The following SYT9 variants were observed in gnomAD, a reference collection of about 807,000 sequenced individuals.
The protein encoded by SYT9 is synaptotagmin-9.
SYT9 carries 22 observed loss-of-function variants against 48.4 expected under a neutral mutation model. The observed-to-expected ratio is 0.45, with a 90% CI of 0.32 to 0.65. The LOEUF is 0.65. Ranked by LOEUF, SYT9 falls within the 30% of genes least tolerant of loss-of-function variation. SYT9 has a pLI of 0.03. For missense variants in SYT9, 577 were observed against 622.0 expected, an observed-to-expected ratio of 0.93 and a Z score of 0.77; for synonymous variants, 265 against 245.0, an observed-to-expected ratio of 1.08 and a Z score of -0.76.
At chr11:7,285,781 G>T (rs2133910118) in intron 1 of SYT9, among the ~76,000 whole-genome samples, 1 of 152,224 alleles carries the variant, frequency 6.6e-6, no homozygotes, top group East Asian at 1.9e-4. Flanking sequence ...TCAAATGGGA[G>T]AAATTGGCCA....
intron 3 of SYT9, among the ~76,000 whole-genome samples, chr11:7,338,994 CTTAA>C (rs1849672586): frequency 6.6e-6 from 1 of 152,038 alleles, no homozygotes. Context: ...TTGTAGGTCT[CTTAA>C]GAATTTGCTT....
In SYT9 at chr11:7,467,813, C is replaced by T; in HGVS notation, c.*1013C>T. ...GCCCAGAGTCATAGCCTTGGGCAAC[C>T]ACACATAGAGGTTTCCTTCTCACTT... On this transcript the variant is annotated 3_prime_UTR_variant, in exon 7 of 7. Coordinates refer to ENST00000318881, the MANE Select transcript of SYT9 (RefSeq NM_175733.4). 6.5e-6 allele frequency: 1 copy of T among 153,738 alleles called. No homozygotes were observed. The highest frequency in any genetic ancestry group is 1.4e-5 in the Non-Finnish European group (1 of 69,122). The allele number at this position is 153,738 out of a possible 1,614,324, so 9.5% of individuals were successfully genotyped here.
chr11:7,334,557 A>G (rs969055588), intron 3 of SYT9, among the ~76,000 whole-genome samples: 3 of 151,288 alleles, frequency 2.0e-5, no homozygotes, highest in Non-Finnish European at 3.0e-5. Context: ...ACCATTTACC[A>G]TAGTCAATCA....
chr11:7,240,118 G>A (rs1232497644), intron 1 of SYT9, among the ~76,000 whole-genome samples: 1 of 152,138 alleles, frequency 6.6e-6, no homozygotes, highest in African/African-American at 2.4e-5. Context: ...GGGGAAGCCA[G>A]TGAAAGACAA....
chr11:7,401,967 A>G (rs1846902736), intron 3 of SYT9, among the ~76,000 whole-genome samples: 1 of 151,892 alleles, frequency 6.6e-6, no homozygotes, highest in African/African-American at 2.4e-5. Context: ...TTTGAACATA[A>G]GCATTTACCG....
In SYT9 at chr11:7,313,379, T is replaced by C. The variant is rs768358398; in HGVS notation, c.498-16T>C. On this transcript the variant is annotated splice_polypyrimidine_tract_variant and intron_variant, in intron 2 of 6. Coordinates refer to ENST00000318881, the MANE Select transcript of SYT9 (RefSeq NM_175733.4). ...AATAAGGTTATAACTTTGTTCTGTGTTGCTCTTCATTCAAGGCATAATTCA... is the reference window on the plus strand; with the variant it reads ...AATAAGGTTATAACTTTGTTCTGTGCTGCTCTTCATTCAAGGCATAATTCA... 1.9e-6 allele frequency: 3 copies of C among 1,594,590 alleles called. No individual in the cohort carries two copies. Among genetic ancestry groups the C allele is most frequent in the Non-Finnish European group, 2.6e-6 (3 of 1,172,448 alleles).
intron 3 of SYT9, among the ~76,000 whole-genome samples, chr11:7,372,117 T>C (rs1850372435): frequency 6.6e-6 from 1 of 152,196 alleles, no homozygotes. Flanking sequence ...ATTACATTCC[T>C]ACCAGCAGTG....
intron 4 of SYT9, among the ~76,000 whole-genome samples, chr11:7,416,679 G>A (rs546317907): frequency 3.3e-5 from 5 of 152,302 alleles, no homozygotes; most frequent in South Asian, 2.1e-4. Context: ...GAGAATGTGC[G>A]TAGGTTATAT....
intron 3 of SYT9, among the ~76,000 whole-genome samples, chr11:7,332,760 ATT>A (rs770163145): frequency 1.3e-5 from 2 of 152,188 alleles, no homozygotes; most frequent in Non-Finnish European, 2.9e-5. Context: ...CAGTTAAATT[ATT>A]CCATGGCTGA....
At chr11:7,250,084 A>G (rs11820326), upstream of SYT9, among the ~76,000 whole-genome samples, 16,648 of 152,070 alleles carry the variant, frequency 0.11, 1,006 homozygotes, top group Middle Eastern at 0.17. Flanking sequence ...TACCTTTCCA[A>G]TGATGATTGC....
rs536338998 is a variant in SYT9 at position 7,377,251 on chromosome 11, T to C, written c.1045-38791T>C. Among the ~76,000 whole-genome samples the C allele has an allele frequency of 1.2e-4, 18 of 152,000 alleles. No homozygotes were observed. In the South Asian group the frequency reaches 3.7e-3, roughly 32 times the overall value. On this transcript the variant is annotated intron_variant, in intron 3 of 6. Transcript: ENST00000318881. Reference sequence around the variant, plus strand: ...ACAACCCAGAGAATTAGTTAACATATGTATTTCAGACACTGTGCTAAACAC... The same window carrying C: ...ACAACCCAGAGAATTAGTTAACATACGTATTTCAGACACTGTGCTAAACAC...
At chr11:7,333,810 A>G (rs1482558433) in intron 3 of SYT9, among the ~76,000 whole-genome samples, 1 of 152,098 alleles carries the variant, frequency 6.6e-6, no homozygotes, top group Non-Finnish European at 1.5e-5. Flanking sequence ...TTGAATACTC[A>G]CTGTCTGCCA....
intron 6 of SYT9, among the ~76,000 whole-genome samples, chr11:7,425,315 T>G (rs1300921268): frequency 2.0e-5 from 3 of 152,168 alleles, no homozygotes; most frequent in Non-Finnish European, 4.4e-5. Flanking sequence ...AATGACTGTT[T>G]CCCAAAGGAA....
intron 6 of SYT9, among the ~76,000 whole-genome samples, chr11:7,445,670 T>C (rs1267110656): frequency 6.6e-6 from 1 of 152,208 alleles, no homozygotes; most frequent in Non-Finnish European, 1.5e-5. Context: ...TCACTTTTTG[T>C]TTTTTTCTAC....
chr11:7,284,989 C>G (rs1041000127), intron 1 of SYT9, among the ~76,000 whole-genome samples: 3 of 152,140 alleles, frequency 2.0e-5, no homozygotes, highest in Non-Finnish European at 4.4e-5. Context: ...TTCACCCACT[C>G]TATCACCTAA....
chr11:7,383,393 G>A (rs371116298), intron 3 of SYT9, among the ~76,000 whole-genome samples: 4 of 152,182 alleles, frequency 2.6e-5, no homozygotes, highest in South Asian at 2.1e-4. Context: ...CAGAGAGCCC[G>A]GTGGCTCACT....
upstream of SYT9, among the ~76,000 whole-genome samples, chr11:7,249,720 C>A (rs1411449675): frequency 1.3e-5 from 2 of 152,126 alleles, no homozygotes; most frequent in Non-Finnish European, 2.9e-5. Flanking sequence ...TTTATGTAAT[C>A]TTTGTAACAG....
In SYT9 at chr11:7,313,419, C is replaced by T. The variant is rs762941038; in HGVS notation, c.522C>T (p.Leu174=). The T allele has an allele frequency of 8.7e-6, 14 of 1,612,552 alleles. No individual in the cohort carries two copies. The highest frequency in any genetic ancestry group is 1.1e-5 in the Non-Finnish European group (13 of 1,179,504). Residue 174 remains leucine (L), a synonymous_variant, in exon 3 of 7, where the codon CTC becomes CTT. Transcript: ENST00000318881. ...SARHNSIRRQ[L]NLSNPDFNIQ... ...GGCATAATTCAATCCGAAGACAACT[C>T]AACTTGTCAAACCCGGACTTCAATA... is the stretch of plus-strand genomic sequence containing the variant.
intron 6 of SYT9, among the ~76,000 whole-genome samples, chr11:7,432,957 A>G (rs1422823350): frequency 6.6e-6 from 1 of 152,012 alleles, no homozygotes; most frequent in Non-Finnish European, 1.5e-5. Context: ...GTGGAATTAT[A>G]TAGTTTAAAT....
Sources: gnomAD v4.1 joint callset for allele counts (sites outside exome capture counted in the v4.1 genomes callset) on GRCh38, gnomAD v4.1.1 for gene constraint, MANE v1.5 for transcripts, NCBI Gene and HGNC (gene_info 2026-07-23, HGNC 2026-07-21) for gene names.